Variants in PALLD observed in about 807,000 individuals in gnomAD.
The protein encoded by PALLD is palladin, cytoskeletal associated protein.
Under a neutral mutation model 123.5 loss-of-function variants are expected in PALLD, and 61 were observed. The ratio of observed to expected loss-of-function variants is 0.49; its 90% CI spans 0.40 to 0.61. The LOEUF is 0.61. Ranked by LOEUF, PALLD falls within the 20% of genes least tolerant of loss-of-function variation. The pLI is 0.00. For synonymous variants in PALLD, 465 were observed against 496.4 expected, an observed-to-expected ratio of 0.94 and a Z score of 0.84; for missense variants, 1,273 against 1,377.0, an observed-to-expected ratio of 0.92 and a Z score of 1.20.
chr4:168,813,101 CT>C, intron 10 of PALLD, among the ~76,000 whole-genome samples: 1 of 86,920 alleles, frequency 1.2e-5, no homozygotes, highest in South Asian at 3.7e-4. Flanking sequence ...GAAAAACGTA[CT>C]TTTGGGGGGG....
rs1221968359 is a variant in PALLD, at chr4:168,512,362, C to T, written c.858C>T (p.Ser286=). 2.5e-6 allele frequency: 4 copies of T among 1,613,818 alleles called. No homozygotes were observed. Among genetic ancestry groups the T allele is most frequent in the Non-Finnish European group, 3.4e-6 (4 of 1,180,026 alleles). The part of the protein sequence containing the change: ...KLRSQEVAEG[S]RVYLECRVTG... ...GGAGCCAAGAAGTAGCAGAAGGGAG[C>T]CGAGTTTATCTGGAGTGTAGAGTCA... The change falls in exon 2 of 22, where the codon AGC becomes AGT. Residue 286 remains serine (S), a synonymous_variant. Transcript: ENST00000505667.
At chr4:168,602,184 G>T (rs4132492) in intron 2 of PALLD, among the ~76,000 whole-genome samples, 96,834 of 152,078 alleles carry the variant, frequency 0.64, 31,984 homozygotes, top group East Asian at 0.91. Context: ...GGTGAGATTT[G>T]GAAATGGACA....
intron 8 of PALLD, among the ~76,000 whole-genome samples, chr4:168,704,528 C>A (rs991429553): frequency 1.3e-5 from 2 of 151,474 alleles, no homozygotes; most frequent in African/African-American, 4.8e-5. Context: ...AAAAATTAGC[C>A]GGGCGGGCGC....
At chr4:168,600,513 C>T (rs913185606) in intron 2 of PALLD, among the ~76,000 whole-genome samples, 27 of 151,984 alleles carry the variant, frequency 1.8e-4, no homozygotes, top group Admixed American at 6.6e-4. Context: ...TTTGAGAACC[C>T]CTGCTTGCAA....
chr4:168,728,116 G>A (rs1022282155), intron 10 of PALLD, among the ~76,000 whole-genome samples: 1 of 152,184 alleles, frequency 6.6e-6, no homozygotes, highest in Admixed American at 6.5e-5. Context: ...TAGCCTAGCA[G>A]TATAGCTTGA....
intron 2 of PALLD, among the ~76,000 whole-genome samples, chr4:168,555,718 C>A (rs955531591): frequency 6.6e-6 from 1 of 152,196 alleles, no homozygotes; most frequent in Admixed American, 6.5e-5. Flanking sequence ...CCAAGCATAA[C>A]ACATTTAGAA....
At position 168,836,945 on chromosome 4, in the gene PALLD, T is replaced by G. The variant is rs1265903728; in HGVS notation, c.1965-53977T>G. 2.6e-5 allele frequency among the ~76,000 whole-genome samples: 4 copies of G among 152,178 alleles called. No homozygotes were observed. In the East Asian group the frequency reaches 7.7e-4, roughly 29 times the overall value. On this transcript the variant is annotated intron_variant, in intron 10 of 21. Transcript: ENST00000505667. The stretch of plus-strand genomic sequence containing the variant: ...ATATAACATGGTTTTTGTGGGAAAA[T>G]GCACTCAGAGCTCCAACTTGAGTTT...
At chr4:168,644,669 C>T (rs1278357719) in intron 2 of PALLD, among the ~76,000 whole-genome samples, 1 of 152,160 alleles carries the variant, frequency 6.6e-6, no homozygotes, top group Non-Finnish European at 1.5e-5. Context: ...AAGTGTGGTT[C>T]TCATCCTGGA....
chr4:168,652,302 A>C (rs1028584695), intron 2 of PALLD, among the ~76,000 whole-genome samples: 1 of 152,216 alleles, frequency 6.6e-6, no homozygotes, highest in Non-Finnish European at 1.5e-5. Context: ...GATATTCAGG[A>C]AACTACCAAA....
chr4:168,925,459 C>A (rs1407886744), intron 21 of PALLD, 181 bp downstream of exon 21: 2 of 628,678 alleles, frequency 3.2e-6, no homozygotes, highest in Non-Finnish European at 5.8e-6. Flanking sequence ...TTTAACATTT[C>A]TTCCTATATT....
At chr4:168,708,895 A>G in intron 8 of PALLD, 133 bp from the exon 9 acceptor site, 1 of 849,778 alleles carries the variant, frequency 1.2e-6, no homozygotes, top group East Asian at 2.4e-5. Flanking sequence ...ATTCTATTGT[A>G]AACACTTTTG....
At chr4:168,630,348 A>T (rs772737474) in intron 2 of PALLD, among the ~76,000 whole-genome samples, 1 of 152,252 alleles carries the variant, frequency 6.6e-6, no homozygotes, top group Non-Finnish European at 1.5e-5. Flanking sequence ...GAAGGGACTG[A>T]ACCTGTCAAC....
chr4:168,564,911 G>A (rs1768216235), intron 2 of PALLD, among the ~76,000 whole-genome samples: 1 of 151,896 alleles, frequency 6.6e-6, no homozygotes, highest in Non-Finnish European at 1.5e-5. Context: ...AGAAAACTTG[G>A]CTGGGTGCAG....
intron 1 of PALLD, among the ~76,000 whole-genome samples, chr4:168,504,161 T>C (rs1278367265): frequency 6.6e-6 from 1 of 152,174 alleles, no homozygotes; most frequent in Non-Finnish European, 1.5e-5. Flanking sequence ...AGTTGTTCCG[T>C]TGATTTCATG....
chr4:168,842,906 C>A (rs1465548572), intron 10 of PALLD, among the ~76,000 whole-genome samples: 2 of 152,194 alleles, frequency 1.3e-5, no homozygotes, highest in East Asian at 3.8e-4. Flanking sequence ...TAAGCCTGTA[C>A]ATAATCAGTA....
chr4:168,506,660 CAG>C (rs1461070719), intron 1 of PALLD, among the ~76,000 whole-genome samples: 2 of 152,176 alleles, frequency 1.3e-5, no homozygotes, highest in African/African-American at 2.4e-5. Flanking sequence ...CAAACCTCAC[CAG>C]AGTCTATACT....
intron 15 of PALLD, among the ~76,000 whole-genome samples, chr4:168,910,553 C>T (rs745797085): frequency 6.6e-6 from 1 of 151,998 alleles, no homozygotes; most frequent in Non-Finnish European, 1.5e-5. Flanking sequence ...TAATTATATC[C>T]ATAGTGAGTG....
intron 17 of PALLD, among the ~76,000 whole-genome samples, chr4:168,920,083 T>G (rs1440896184): frequency 6.6e-6 from 1 of 152,160 alleles, no homozygotes; most frequent in East Asian, 1.9e-4. Flanking sequence ...TGCCGCTTTG[T>G]TTCTAGATGT....
At chr4:168,837,497 T>C (rs187472736) in intron 10 of PALLD, among the ~76,000 whole-genome samples, 3 of 152,386 alleles carry the variant, frequency 2.0e-5, no homozygotes, top group Admixed American at 1.3e-4. Context: ...GGTAGCTGAA[T>C]ACACTCAAGG....
Sources: gnomAD v4.1 joint callset for allele counts (sites outside exome capture counted in the v4.1 genomes callset) on GRCh38, gnomAD v4.1.1 for gene constraint, MANE v1.5 for transcripts, NCBI Gene and HGNC (gene_info 2026-07-23, HGNC 2026-07-21) for gene names.